The following JMJD1C variants were observed in gnomAD, a reference collection of about 807,000 sequenced individuals.
JMJD1C encodes the protein jumonji domain containing 1C.
In JMJD1C, 31 loss-of-function variants were observed where a neutral mutation model predicts 245.3. The ratio of observed to expected loss-of-function variants is 0.13; its 90% CI spans 0.09 to 0.17. JMJD1C has a LOEUF of 0.17. JMJD1C is among the 10% of genes least tolerant of loss of function. JMJD1C has a pLI of 1.00. For synonymous variants in JMJD1C, 1,057 were observed against 1,017.4 expected (o/e 1.04, Z -0.74); for missense variants, 2,691 against 3,000.2 (o/e 0.90, Z 2.41).
intron 2 of JMJD1C, among the ~76,000 whole-genome samples, chr10:63,333,774 T>C (rs541735325): frequency 1.1e-3 from 171 of 152,316 alleles, no homozygotes; most frequent in African/African-American, 3.8e-3. Flanking sequence ...TATCTCTTCA[T>C]TTGAGCACTT....
chr10:63,214,687 G>A lies in JMJD1C; in HGVS notation c.1480C>T (p.Leu494=), dbSNP rs2133224175. ...NMDKTHTMEL[L]PKEKFVSRPP... ...CTGGATACAAACTTCTCCTTTGGTA[G>A]CAATTCCATGGTATGTGTTTTATCC... Residue 494 remains leucine (L), a synonymous_variant, in exon 8 of 26, where the codon CTA becomes TTA. Transcript: ENST00000399262. The A allele has an allele frequency of 4.3e-6, 7 of 1,613,790 alleles. No individual in the cohort carries two copies. The highest frequency in any genetic ancestry group is 5.9e-6 in the Non-Finnish European group (7 of 1,179,758).
chr10:63,176,798 ATTT>A (rs10577726), intron 23 of JMJD1C: 29,070 of 135,404 alleles, frequency 0.21, 3,489 homozygotes, highest in Non-Finnish European at 0.3. Flanking sequence ...GGAACAGGGT[ATTT>A]TTTTTTTTTT....
intron 1 of JMJD1C, 53 bp from the exon 2 acceptor site, chr10:63,380,535 C>A (rs1947129857): frequency 7.3e-7 from 1 of 1,374,542 alleles, no homozygotes; most frequent in Non-Finnish European, 1.0e-6. Context: ...AGTGGTATAT[C>A]TTTTTTTACT....
At chr10:63,236,183 T>C (rs1301308118) in intron 3 of JMJD1C, among the ~76,000 whole-genome samples, 1 of 152,180 alleles carries the variant, frequency 6.6e-6, no homozygotes, top group Non-Finnish European at 1.5e-5. Flanking sequence ...TTTTTATTAA[T>C]TAAAAATAAC....
In JMJD1C at chr10:63,514,206, G is replaced by A. The variant is rs116061367; in HGVS notation, n.113+7532C>T. Among the ~76,000 whole-genome samples the A allele has an allele frequency of 2.7e-3, 405 of 152,330 alleles. 3 individuals carry two copies. Among genetic ancestry groups the A allele is most frequent in the African/African-American group, 9.1e-3 (377 of 41,576 alleles). On this transcript the variant is annotated intron_variant and non_coding_transcript_variant, in intron 1 of 3. Coordinates refer to the JMJD1C transcript ENST00000633035. ...GGGAATGTAAATTACTTCAGCCACT[G>A]TGGAAAGCAGTCTGGACATTTCTGA...
chr10:63,375,185 T>C (rs953104417), intron 2 of JMJD1C, among the ~76,000 whole-genome samples: 3 of 139,124 alleles, frequency 2.2e-5, no homozygotes, highest in Non-Finnish European at 4.7e-5. Context: ...AAAATTGGCT[T>C]TTTTTTTTTT....
At position 63,402,979 on chromosome 10, in the gene JMJD1C, C is replaced by T. The variant is rs191613059; in HGVS notation, c.169-22497G>A. On this transcript the variant is annotated intron_variant, in intron 1 of 25. Transcript: ENST00000399262. Reference sequence around the variant, plus strand: ...ACGGATCAGTATGGTAATCTTCTTCCTATTCCTAAAACATACCAAGCTCAT... The same window carrying T: ...ACGGATCAGTATGGTAATCTTCTTCTTATTCCTAAAACATACCAAGCTCAT... 2.6e-5 allele frequency among the ~76,000 whole-genome samples: 4 copies of T among 152,292 alleles called. No individual in the cohort carries two copies. In the East Asian group the frequency reaches 7.7e-4, roughly 29 times the overall value.
chr10:63,268,901 G>A, intron 2 of JMJD1C: 1 of 985,842 alleles, frequency 1.0e-6, no homozygotes, highest in African/African-American at 1.7e-5. Flanking sequence ...AGCAGGAGCT[G>A]TAACCTAACA....
intron 1 of JMJD1C, among the ~76,000 whole-genome samples, chr10:63,409,426 CG>C (rs760566303): frequency 6.6e-6 from 1 of 151,878 alleles, no homozygotes; most frequent in Non-Finnish European, 1.5e-5. Flanking sequence ...TTCCTTAAAG[CG>C]GGGCAGGCAT....
intron 1 of JMJD1C, among the ~76,000 whole-genome samples, chr10:63,424,497 C>CTTTTTTTTTTTTTTT (rs59823871): frequency 2.7e-4 from 28 of 103,382 alleles, no homozygotes; most frequent in South Asian, 7.0e-4. Context: ...ATTATTATTT[C>CTTTTTTTTTTTTTTT]TTTTTTTTTT....
chr10:63,200,446 C>CT, intron 11 of JMJD1C, 30 bp downstream of exon 11: 1 of 1,536,488 alleles, frequency 6.5e-7, no homozygotes, highest in Non-Finnish European at 9.0e-7. Context: ...CAATAAATTA[C>CT]TTTTTTCCCA....
intron 1 of JMJD1C, among the ~76,000 whole-genome samples, chr10:63,492,543 G>A (rs1036508006): frequency 1.1e-4 from 17 of 152,060 alleles, no homozygotes; most frequent in Admixed American, 5.2e-4. Context: ...GCGTGGTGGC[G>A]TGGGCCTGTA....
intron 1 of JMJD1C, among the ~76,000 whole-genome samples, chr10:63,504,624 G>C (rs1954661272): frequency 6.6e-6 from 1 of 152,130 alleles, no homozygotes; most frequent in African/African-American, 2.4e-5. Flanking sequence ...AGGCTTTGTG[G>C]GCAAACATGA....
chr10:63,172,749 A>C (rs2132761665), intron 24 of JMJD1C, among the ~76,000 whole-genome samples: 1 of 151,798 alleles, frequency 6.6e-6, no homozygotes, highest in African/African-American at 2.4e-5. Context: ...AAGTGTAAAG[A>C]AGCAAGTCTT....
chr10:63,347,426 AC>A (rs1291306346), intron 2 of JMJD1C, among the ~76,000 whole-genome samples: 2 of 151,606 alleles, frequency 1.3e-5, no homozygotes, highest in Admixed American at 1.3e-4. Context: ...TAATAAAAAG[AC>A]AAAAAAAATT....
At chr10:63,268,578 G>A (rs1169317358) in intron 2 of JMJD1C, 2 of 361,528 alleles carry the variant, frequency 5.5e-6, no homozygotes, top group East Asian at 3.3e-4. Context: ...ATAAAAGGCA[G>A]TGACCTTAAT....
At position 63,384,683 on chromosome 10, in the gene JMJD1C, A is replaced by G. The variant is rs117209871; in HGVS notation, c.169-4201T>C. On this transcript the variant is annotated intron_variant, in intron 1 of 25. Coordinates refer to ENST00000399262, the MANE Select transcript of JMJD1C (RefSeq NM_032776.3). ...GCACCTGCAAAGTAGATTTAAAATA[A>G]TTCTTAGGGGCCCTAGGATTTATGG... is the stretch of plus-strand genomic sequence containing the variant. Among the ~76,000 whole-genome samples the G allele has an allele frequency of 4.7e-3, 715 of 152,314 alleles. 5 individuals carry two copies. Among genetic ancestry groups the G allele is most frequent in the Middle Eastern group, 0.014 (4 of 294 alleles).
At chr10:63,177,994 G>A (rs1479626275) in intron 22 of JMJD1C, 138 bp from the exon 23 acceptor site, 1 of 797,398 alleles carries the variant, frequency 1.3e-6, no homozygotes, top group East Asian at 2.7e-5. Flanking sequence ...AGGCTGGAGT[G>A]CAGTGGCATG....
intron 1 of JMJD1C, among the ~76,000 whole-genome samples, chr10:63,417,307 A>C (rs1406188308): frequency 6.6e-6 from 1 of 152,204 alleles, no homozygotes; most frequent in Non-Finnish European, 1.5e-5. Flanking sequence ...GGTTTTTAAA[A>C]GCAGAAATTA....
Sources: gnomAD v4.1 joint callset for allele counts (sites outside exome capture counted in the v4.1 genomes callset) on GRCh38, gnomAD v4.1.1 for gene constraint, MANE v1.5 for transcripts, NCBI Gene and HGNC (gene_info 2026-07-23, HGNC 2026-07-21) for gene names.